CALHM4: variants seen among roughly 807,000 people sequenced by gnomAD.
CALHM4 encodes the protein calcium homeostasis modulator protein 4.
A neutral mutation model predicts 13.3 loss-of-function variants in CALHM4; 16 were observed. The ratio of observed to expected loss-of-function variants is 1.20; its 90% CI spans 0.81 to 1.82. The LOEUF (loss-of-function observed/expected upper bound fraction) is 1.82. CALHM4 is among the 40% of genes most tolerant of loss of function. The probability of loss-of-function intolerance (pLI) is 0.00; values close to 1 mark genes in which losing one functional copy is unlikely to be tolerated. For synonymous variants in CALHM4, 127 were observed against 137.1 expected, an observed-to-expected ratio of 0.93 and a Z score of 0.52; for missense variants, 344 against 374.9, an observed-to-expected ratio of 0.92 and a Z score of 0.68.
At chr6:116,529,383 GTAAC>G (rs1195212695) in intron 1 of CALHM4, among the ~76,000 whole-genome samples, 7 of 146,992 alleles carry the variant, frequency 4.8e-5, no homozygotes, top group African/African-American at 1.9e-4. Context: ...TAGAATCTTT[GTAAC>G]TAACAGAGTC....
chr6:116,536,464 T>C (rs1420891577), intron 1 of CALHM4, among the ~76,000 whole-genome samples: 1 of 152,216 alleles, frequency 6.6e-6, no homozygotes, highest in Admixed American at 6.5e-5. Flanking sequence ...TACACAGTCC[T>C]TCTCTCGCAA....
At chr6:116,557,087 G>C (rs1774355332) in intron 1 of CALHM4, among the ~76,000 whole-genome samples, 1 of 151,832 alleles carries the variant, frequency 6.6e-6, no homozygotes, top group African/African-American at 2.4e-5. Flanking sequence ...ACAGGCATGT[G>C]CCACCATGCC....
chr6:116,553,820 G>A lies in CALHM4; in HGVS notation c.27G>A (p.Val9=), dbSNP rs1358401923. 2.6e-6 allele frequency: 4 copies of A among 1,550,528 alleles called. No individual in the cohort carries two copies. The highest frequency in any genetic ancestry group is 3.5e-6 in the Non-Finnish European group (4 of 1,146,966). Residue 9 remains valine (V), a synonymous_variant, in exon 1 of 2, where the codon GTG becomes GTA. Coordinates refer to ENST00000368596, the MANE Select transcript of CALHM4 (RefSeq NM_001366078.2). MCPTLNNI[V]SSLQRNGIFI... is the part of the protein sequence containing the mutation. ...TGTGCCCAACTCTCAACAATATTGT[G>A]TCTTCTCTGCAGAGAAATGGAATAT...
At chr6:116,547,341 G>T (rs1773844238) in intron 2 of CALHM4, among the ~76,000 whole-genome samples, 1 of 152,140 alleles carries the variant, frequency 6.6e-6, no homozygotes, top group African/African-American at 2.4e-5. Context: ...AACTCTAATG[G>T]CTGTGGTATG....
At chr6:116,554,398 C>A in intron 1 of CALHM4, 47 bp downstream of exon 1, 1 of 1,398,182 alleles carries the variant, frequency 7.2e-7, no homozygotes, top group Non-Finnish European at 9.5e-7. Flanking sequence ...TCCTATAGAA[C>A]TACAGTCAAT....
intron 1 of CALHM4, among the ~76,000 whole-genome samples, chr6:116,542,355 G>A (rs1773515450): frequency 6.6e-6 from 1 of 152,040 alleles, no homozygotes; most frequent in Non-Finnish European, 1.5e-5. Flanking sequence ...AAAAAAATAT[G>A]CATACAGAAA....
At position 116,554,291 on chromosome 6, in the gene CALHM4, T is replaced by C; in HGVS notation, c.498T>C (p.Ala166=). The C allele has an allele frequency of 6.5e-7, 1 of 1,550,358 alleles. No homozygotes were observed. The highest frequency in any genetic ancestry group is 8.7e-7 in the Non-Finnish European group (1 of 1,147,008). ...ILAGFPCCRS[A]PSDVILVRDE... Reference sequence around the variant, plus strand: ...CTGGGTTTCCATGTTGCAGATCAGCTCCTTCTGACGTGATCCTAGTAAGAG... The same window carrying C: ...CTGGGTTTCCATGTTGCAGATCAGCCCCTTCTGACGTGATCCTAGTAAGAG... Residue 166 remains alanine, a synonymous_variant, in exon 1 of 2, where the codon GCT becomes GCC. Transcript: ENST00000368596.
At chr6:116,531,869 TATTTATATTTA>T (rs941823519) in intron 1 of CALHM4, among the ~76,000 whole-genome samples, 71 of 149,488 alleles carry the variant, frequency 4.7e-4, no homozygotes, top group Non-Finnish European at 8.6e-4. Flanking sequence ...AATTAAAATT[TATTTATATTTA>T]ATTTATATTT....
At position 116,553,952 on chromosome 6, in the gene CALHM4, TG is replaced by T; in HGVS notation, c.160del (p.Ala54LeufsTer8). The T allele has an allele frequency of 6.4e-7, 1 of 1,550,678 alleles. No individual in the cohort carries two copies. The highest frequency in any genetic ancestry group is 8.7e-7 in the Non-Finnish European group (1 of 1,147,016). ...QVGKNFYYGSAFLVIPALILL... is the reference protein window; with the variant it reads ...QVGKNFYYGSXFLVIPALILL... ...TTGGAAAAAATTTCTATTATGGTTC[TG>T]CTTTTCTTGTCATTCCTGCCTTGAT... On this transcript the variant is annotated frameshift_variant, in exon 1 of 2. Transcript: ENST00000368596. LOFTEE classifies it high-confidence loss of function.
intron 2 of CALHM4, chr6:116,543,909 G>T: frequency 1.4e-6 from 2 of 1,444,508 alleles, no homozygotes; most frequent in Non-Finnish European, 1.9e-6. Context: ...GAAAAAAGGG[G>T]AATGTGATAT....
At chr6:116,536,963 A>G (rs1192020193) in intron 1 of CALHM4, among the ~76,000 whole-genome samples, 2 of 152,202 alleles carry the variant, frequency 1.3e-5, no homozygotes, top group African/African-American at 2.4e-5. Context: ...ATTTTTAACA[A>G]AGCTTCAGTG....
intron 1 of CALHM4, among the ~76,000 whole-genome samples, chr6:116,529,531 T>C (rs1339414096): frequency 6.6e-6 from 1 of 152,110 alleles, no homozygotes. Context: ...CGAGGTAAAG[T>C]AGATTGGAGC....
upstream of CALHM4, among the ~76,000 whole-genome samples, chr6:116,550,450 G>C (rs1359954163): frequency 1.3e-5 from 2 of 152,060 alleles, no homozygotes; most frequent in East Asian, 1.9e-4. Flanking sequence ...CCACACCTTA[G>C]TCCTCTCATC....
At chr6:116,551,796 C>G (rs1774091962), upstream of CALHM4, among the ~76,000 whole-genome samples, 1 of 152,088 alleles carries the variant, frequency 6.6e-6, no homozygotes, top group African/African-American at 2.4e-5. Context: ...AACAATTTTC[C>G]AAAGTGGTTA....
At chr6:116,553,543 TA>T (rs976678945), upstream of CALHM4, among the ~76,000 whole-genome samples, 1 of 151,846 alleles carries the variant, frequency 6.6e-6, no homozygotes, top group Non-Finnish European at 1.5e-5. Flanking sequence ...TTATTATAGT[TA>T]AAAAAAAGAA....
intron 1 of CALHM4, chr6:116,543,219 C>A (rs1773570535): frequency 1.0e-6 from 1 of 977,042 alleles, no homozygotes; most frequent in Admixed American, 2.7e-5. Flanking sequence ...TGAAATGAAG[C>A]AAAGGAAGTC....
At position 116,554,065 on chromosome 6, in the gene CALHM4, G is replaced by A; in HGVS notation, c.272G>A (p.Arg91Lys). The A allele has an allele frequency of 1.3e-6, 2 of 1,550,674 alleles. No individual in the cohort carries two copies. Among genetic ancestry groups the A allele is most frequent in the Non-Finnish European group, 1.7e-6 (2 of 1,147,016 alleles). The change falls in exon 1 of 2, where the codon AGA becomes AAA. Residue 91 changes from arginine to lysine, a missense_variant. Physicochemically the swap from Arg to Lys is conservative, Grantham distance 26 (BLOSUM62 2). Coordinates refer to ENST00000368596, the MANE Select transcript of CALHM4 (RefSeq NM_001366078.2). ...YCCSCAPPYRRISPLECKLAC... is the reference protein window; with the variant it reads ...YCCSCAPPYRKISPLECKLAC... ...TGCAGCTGTGCCCCTCCATACAGGA[G>A]AATCAGCCCCCTAGAGTGCAAGCTG...
At chr6:116,544,956 G>T (rs973938576) in intron 2 of CALHM4, among the ~76,000 whole-genome samples, 3 of 151,854 alleles carry the variant, frequency 2.0e-5, no homozygotes, top group African/African-American at 7.3e-5. Context: ...AAAAAATAAG[G>T]TTTATAAATA....
rs1774529228 is a variant in CALHM4 at position 116,560,337 on chromosome 6, A to G, written c.*2126A>G. ...AAAGAATATTTGAAGTTATAGCATT[A>G]CATCATCAGAAAGAAGATTAATAGT... On this transcript the variant is annotated 3_prime_UTR_variant, in exon 2 of 2. Transcript: ENST00000368596. 6.6e-6 allele frequency among the ~76,000 whole-genome samples: 1 copy of G among 152,236 alleles called. No homozygotes were observed. The highest frequency in any genetic ancestry group is 6.5e-5 in the Admixed American group (1 of 15,288).
Sources: allele counts gnomAD v4.1 joint callset (sites outside exome capture counted in the v4.1 genomes callset), GRCh38; gene constraint gnomAD v4.1.1; transcripts MANE v1.5; gene names NCBI Gene and HGNC (gene_info 2026-07-23, HGNC 2026-07-21).